The following STAM variants were observed in gnomAD, a reference collection of about 807,000 sequenced individuals.
STAM encodes the protein signal transducing adapter molecule 1.
Under a neutral mutation model 63.4 loss-of-function variants are expected in STAM, and 16 were observed. That is an observed-to-expected ratio of 0.25 (90% confidence interval 0.17 to 0.38). The LOEUF (loss-of-function observed/expected upper bound fraction) is 0.38. Ranked by LOEUF, STAM falls within the 10% of genes least tolerant of loss-of-function variation. The pLI is 1.00. For missense variants in STAM, 636 were observed against 657.1 expected (o/e 0.97, Z 0.35); for synonymous variants, 238 against 223.9 (o/e 1.06, Z -0.56).
chr10:17,676,506 TG>T (rs1834863073), intron 2 of STAM, among the ~76,000 whole-genome samples: 6 of 152,324 alleles, frequency 3.9e-5, no homozygotes, highest in African/African-American at 1.4e-4. Context: ...AAAAAGACAT[TG>T]GAAGCTGCAA....
At chr10:17,663,229 A>G (rs1357554194) in intron 2 of STAM, among the ~76,000 whole-genome samples, 2 of 152,056 alleles carry the variant, frequency 1.3e-5, no homozygotes, top group Non-Finnish European at 2.9e-5. Context: ...GTTTATTATT[A>G]TTTTCCCTAT....
At chr10:17,710,343 C>G (rs1005626081) in intron 13 of STAM, among the ~76,000 whole-genome samples, 4 of 152,192 alleles carry the variant, frequency 2.6e-5, no homozygotes, top group South Asian at 4.1e-4. Flanking sequence ...CTGCTGTTCT[C>G]TGTGTGTGAC....
At chr10:17,703,314 ATT>A (rs2131679174) in intron 9 of STAM, among the ~76,000 whole-genome samples, 1 of 149,274 alleles carries the variant, frequency 6.7e-6, no homozygotes, top group Non-Finnish European at 1.5e-5. Context: ...AAACAGAATT[ATT>A]TTGACTTGGG....
chr10:17,691,130 A>G (rs1385139319), intron 5 of STAM, among the ~76,000 whole-genome samples: 10 of 152,252 alleles, frequency 6.6e-5, no homozygotes, highest in African/African-American at 2.4e-4. Context: ...AACATTATCT[A>G]AAGAAAATTG....
chr10:17,688,642 T>A (rs891875746), intron 5 of STAM, among the ~76,000 whole-genome samples: 27 of 150,698 alleles, frequency 1.8e-4, no homozygotes, highest in South Asian at 2.1e-4. Flanking sequence ...TTTTTTTTTT[T>A]AAATAGAGGT....
intron 12 of STAM, among the ~76,000 whole-genome samples, chr10:17,708,181 T>C (rs2131693991): frequency 6.6e-6 from 1 of 152,286 alleles, no homozygotes; most frequent in African/African-American, 2.4e-5. Context: ...TGAGCCACCA[T>C]GCCTGGCGGC....
chr10:17,709,791 G>C (rs1358633126), intron 13 of STAM, among the ~76,000 whole-genome samples: 1 of 150,450 alleles, frequency 6.6e-6, no homozygotes, highest in Non-Finnish European at 1.5e-5. Flanking sequence ...CATCCTCAAA[G>C]AGTTACGTGT....
chr10:17,675,894 T>G (rs150244595), intron 2 of STAM, among the ~76,000 whole-genome samples: 217 of 152,268 alleles, frequency 1.4e-3, no homozygotes, highest in African/African-American at 5.0e-3. Flanking sequence ...GCCGGTATCC[T>G]TTTGCACTGA....
At chr10:17,665,236 C>G (rs550290697) in intron 2 of STAM, among the ~76,000 whole-genome samples, 2 of 151,956 alleles carry the variant, frequency 1.3e-5, no homozygotes, top group Non-Finnish European at 2.9e-5. Flanking sequence ...TCTTTAAACT[C>G]ACATATACAT....
chr10:17,679,579 GT>G (rs35190108), intron 2 of STAM, among the ~76,000 whole-genome samples: 11,178 of 142,978 alleles, frequency 0.078, 445 homozygotes, highest in Middle Eastern at 0.13. Flanking sequence ...ATTTGCGTGT[GT>G]TTTTTTTTTT....
chr10:17,700,112 C>G (rs952560544), intron 8 of STAM, 79 bp from the exon 9 acceptor site: 1 of 1,191,172 alleles, frequency 8.4e-7, no homozygotes, highest in Middle Eastern at 2.6e-4. Context: ...ATCCCCAAAT[C>G]TCTCTTGGAA....
rs782267135 is a variant in STAM at position 17,714,968 on chromosome 10, G to A, written c.*188G>A. ...ACTTTTTAGAGGTTCTTCCCCCCCC[G>A]CCCCTGCAGAGGAATGAAACTACTT... On this transcript the variant is annotated 3_prime_UTR_variant, in exon 14 of 14. Transcript: ENST00000377524. 1.0e-5 allele frequency: 6 copies of A among 572,098 alleles called. No individual in the cohort carries two copies. The highest frequency in any genetic ancestry group is 2.1e-5 in the South Asian group (1 of 48,744). 35.4% of individuals were successfully genotyped at this position (572,098 alleles called of 1,614,324 possible).
chr10:17,710,670 C>T (rs1225350170), intron 13 of STAM, among the ~76,000 whole-genome samples: 1 of 152,118 alleles, frequency 6.6e-6, no homozygotes, highest in African/African-American at 2.4e-5. Context: ...TTGTTTGTAT[C>T]CCCACTGAAG....
chr10:17,667,954 A>G (rs1477227803), intron 2 of STAM, among the ~76,000 whole-genome samples: 8 of 152,334 alleles, frequency 5.3e-5, no homozygotes, highest in African/African-American at 1.9e-4. Flanking sequence ...AGTTAGAAAA[A>G]TAGAAGATGA....
chr10:17,675,049 G>T (rs1253527408), intron 2 of STAM, among the ~76,000 whole-genome samples: 7 of 152,138 alleles, frequency 4.6e-5, no homozygotes, highest in African/African-American at 1.4e-4. Flanking sequence ...GTACCCATTT[G>T]TGTGTATTTA....
chr10:17,658,641 T>C (rs782312554), intron 1 of STAM, among the ~76,000 whole-genome samples: 5 of 151,948 alleles, frequency 3.3e-5, no homozygotes, highest in Non-Finnish European at 7.4e-5. Context: ...CTCCTGAGTA[T>C]GTTCAGCTAA....
chr10:17,705,085 G>T (rs1189943931), intron 11 of STAM, 61 bp downstream of exon 11: 14 of 1,432,476 alleles, frequency 9.8e-6, no homozygotes, highest in Non-Finnish European at 9.7e-6. Context: ...TCACTGTACT[G>T]CAAAGTGGGC....
At chr10:17,660,591 A>T in intron 2 of STAM, 43 bp downstream of exon 2, 1 of 1,505,408 alleles carries the variant, frequency 6.6e-7, no homozygotes. Flanking sequence ...CTTTCTTTTT[A>T]AAAAACACGA....
intron 2 of STAM, among the ~76,000 whole-genome samples, chr10:17,673,377 T>C (rs770459751): frequency 3.3e-5 from 5 of 152,130 alleles, no homozygotes; most frequent in Non-Finnish European, 5.9e-5. Flanking sequence ...AGTTGTACAA[T>C]AGTGAAAAGC....
Sources: gnomAD v4.1 joint callset for allele counts (sites outside exome capture counted in the v4.1 genomes callset) on GRCh38, gnomAD v4.1.1 for gene constraint, MANE v1.5 for transcripts, NCBI Gene and HGNC (gene_info 2026-07-23, HGNC 2026-07-21) for gene names.